The following AFF2 variants were observed in gnomAD, a reference collection of about 807,000 sequenced individuals.
AFF2 encodes AF4/FMR2 family member 2.
In AFF2, 14 loss-of-function variants were observed where a neutral mutation model predicts 76.9. That is an observed-to-expected ratio of 0.18 (90% CI 0.12 to 0.28). AFF2 has a LOEUF of 0.28. AFF2 is among the 10% of genes least tolerant of loss of function. The probability of loss-of-function intolerance (pLI) is 1.00; values close to 1 mark genes in which losing one functional copy is unlikely to be tolerated. For missense variants in AFF2, 868 were observed against 1,001.1 expected, an observed-to-expected ratio of 0.87 and a Z score of 1.79; for synonymous variants, 398 against 366.7, an observed-to-expected ratio of 1.09 and a Z score of -0.98.
In AFF2 at chrX:148,953,814, G is replaced by GACACAC. The variant is rs879970205; in HGVS notation, c.1557+92_1557+97dup. 11 of 619,566 alleles carry GACACAC rather than the reference G, an allele frequency of 1.8e-5. No individual in the cohort carries two copies. In the Admixed American group the frequency reaches 3.1e-4, roughly 18 times the overall value. 51.1% of individuals were successfully genotyped at this position (619,566 alleles called of 1,213,427 possible). A position where few individuals can be genotyped will look rare whatever the true frequency, so the allele number is the denominator to read the frequency against. On this transcript the variant is annotated intron_variant, in intron 10 of 20. Coordinates refer to ENST00000370460, the MANE Select transcript of AFF2 (RefSeq NM_002025.4). ...AGCACCCTCAACACACACACACACAGACACACACACACACACACACACTTT... is the reference window on the plus strand; with the variant it reads ...AGCACCCTCAACACACACACACACAGACACACACACACACACACACACACACACTTT...
chrX:148,966,189 A>T (rs920519917), intron 13 of AFF2, among the ~76,000 whole-genome samples: 3 of 111,963 alleles, frequency 2.7e-5, no homozygotes, highest in African/African-American at 9.7e-5. Context: ...CTTAGCTAGA[A>T]ACCAATCAAG....
chrX:148,654,175 G>T (rs184692544), intron 2 of AFF2, among the ~76,000 whole-genome samples: 1 of 111,916 alleles, frequency 8.9e-6, no homozygotes, highest in Non-Finnish European at 1.9e-5. Flanking sequence ...GATAGGAAGA[G>T]AACTAGGAAA....
chrX:148,807,518 G>A (rs2070151740), intron 3 of AFF2, among the ~76,000 whole-genome samples: 1 of 112,011 alleles, frequency 8.9e-6, no homozygotes, highest in Non-Finnish European at 1.9e-5. Context: ...CCAAGTGGTA[G>A]GGCCAGGACT....
intron 3 of AFF2, among the ~76,000 whole-genome samples, chrX:148,797,835 C>T (rs1212878959): frequency 8.9e-6 from 1 of 111,985 alleles, no homozygotes; most frequent in East Asian, 2.8e-4. Flanking sequence ...GACTTTGGTA[C>T]CCACTGAAAG....
At chrX:148,649,549 C>T (rs1557256074) in intron 1 of AFF2, among the ~76,000 whole-genome samples, 2 of 112,210 alleles carry the variant, frequency 1.8e-5, no homozygotes, top group African/African-American at 6.5e-5. Flanking sequence ...ATGCAGCAGG[C>T]AGTTTTGCTT....
intron 3 of AFF2, among the ~76,000 whole-genome samples, chrX:148,785,720 C>T (rs2069810811): frequency 8.9e-6 from 1 of 112,114 alleles, no homozygotes; most frequent in African/African-American, 3.3e-5. Flanking sequence ...GAATACCCTC[C>T]CTGCTATAAG....
At chrX:148,907,431 G>A (rs1266274779) in intron 9 of AFF2, among the ~76,000 whole-genome samples, 3 of 111,630 alleles carry the variant, frequency 2.7e-5, no homozygotes, top group South Asian at 3.8e-4. Flanking sequence ...GATATTTCAC[G>A]TAGGTTCTTT....
intron 8 of AFF2, among the ~76,000 whole-genome samples, chrX:148,888,144 C>T (rs1468069076): frequency 3.6e-5 from 4 of 111,827 alleles, no homozygotes; most frequent in African/African-American, 1.3e-4. Context: ...TTTTTCATCA[C>T]TCCAAGTGGA....
Position 148,741,021 on chromosome X carries a change from G to A in AFF2, c.1042-68855G>A, listed in dbSNP as rs367797320. ...TGAACTGTCTATGGGTCTCTCACCCGTGGATACCAGCGCCTGTTCTGGTAG... is the reference window on the plus strand; with the variant it reads ...TGAACTGTCTATGGGTCTCTCACCCATGGATACCAGCGCCTGTTCTGGTAG... On this transcript the variant is annotated intron_variant, in intron 3 of 20. Coordinates refer to ENST00000370460, the MANE Select transcript of AFF2 (RefSeq NM_002025.4). Among the ~76,000 whole-genome samples the A allele has an allele frequency of 1.8e-4, 20 of 112,036 alleles. No homozygotes were observed. The South Asian group carries it at 6.4e-3, about 36-fold the overall frequency.
intron 8 of AFF2, among the ~76,000 whole-genome samples, chrX:148,898,718 A>G (rs781887007): frequency 6.9e-4 from 77 of 111,720 alleles, no homozygotes; most frequent in Admixed American, 2.7e-3. Context: ...GTCCTCTGGC[A>G]CATTTTCATG....
At chrX:148,962,386 C>A (rs1210273021) in intron 12 of AFF2, among the ~76,000 whole-genome samples, 6 of 111,843 alleles carry the variant, frequency 5.4e-5, no homozygotes, top group Non-Finnish European at 9.4e-5. Context: ...CCATAAAAAT[C>A]TAATTAACAG....
intron 15 of AFF2, among the ~76,000 whole-genome samples, chrX:148,970,295 A>G (rs1557289369): frequency 8.9e-6 from 1 of 112,332 alleles, no homozygotes; most frequent in East Asian, 2.8e-4. Flanking sequence ...GTCATTTACA[A>G]TAAAAGATTC....
intron 3 of AFF2, among the ~76,000 whole-genome samples, chrX:148,674,622 T>C (rs200733491): frequency 8.9e-6 from 1 of 112,120 alleles, no homozygotes; most frequent in African/African-American, 3.2e-5. Context: ...TAGTGACTTA[T>C]AGGGTGAAGG....
intron 1 of AFF2, among the ~76,000 whole-genome samples, chrX:148,596,765 T>A (rs1603253823): frequency 8.9e-6 from 1 of 112,629 alleles, no homozygotes; most frequent in African/African-American, 3.2e-5. Flanking sequence ...TGTGACTAAA[T>A]AGTTTAATCA....
intron 3 of AFF2, among the ~76,000 whole-genome samples, chrX:148,731,249 C>T (rs1284434325): frequency 8.9e-6 from 1 of 111,809 alleles, no homozygotes; most frequent in Non-Finnish European, 1.9e-5. Flanking sequence ...TGGCAAAGCA[C>T]CAGTCCCAAA....
At chrX:148,597,229 G>A (rs781919938) in intron 1 of AFF2, among the ~76,000 whole-genome samples, 11 of 111,477 alleles carry the variant, frequency 9.9e-5, no homozygotes, top group African/African-American at 3.6e-4. Flanking sequence ...GCTGCTTTGT[G>A]TGTTACCCTA....
intron 1 of AFF2, among the ~76,000 whole-genome samples, chrX:148,585,840 C>CA (rs1194523651): frequency 0.016 from 407 of 25,089 alleles, 2 homozygotes; most frequent in East Asian, 0.042. Context: ...GACTGCGTCT[C>CA]AAAAAAAAAA....
chrX:148,916,226 TTG>T (rs2071528495), intron 9 of AFF2, among the ~76,000 whole-genome samples: 1 of 39,290 alleles, frequency 2.5e-5, no homozygotes, highest in African/African-American at 6.1e-5. Context: ...TTTTTTTTTT[TTG>T]AGACGGAGTC....
chrX:148,837,696 G>C lies in AFF2; in HGVS notation c.1136G>C (p.Gly379Ala). The C allele has an allele frequency of 8.3e-7, 1 of 1,202,177 alleles. No individual in the cohort carries two copies. Among genetic ancestry groups the C allele is most frequent in the Non-Finnish European group, 1.1e-6 (1 of 887,377 alleles). ...CCTCTCACTTCCATGCATACTGCTG[G>C]ACACTCTGAGCAGAGCACCTTTTCC... ...PTPLTSMHTA[G>A]HSEQSTFSIP... The change falls in exon 5 of 21, where the codon GGA becomes GCA. Residue 379 changes from glycine (G) to alanine (A), a missense_variant. Gly to Ala is a moderately conservative substitution (Grantham distance 60). Around this residue, in one of 6 missense-constraint regions of AFF2, gnomAD observed 532 missense variants for 564.2 expected, o/e 0.94. Transcript: ENST00000370460.
Sources: gnomAD v4.1 joint callset for allele counts (sites outside exome capture counted in the v4.1 genomes callset) on GRCh38, gnomAD v4.1.1 for gene constraint, gnomAD v4.1.1 regional missense constraint, MANE v1.5 for transcripts, NCBI Gene and HGNC (gene_info 2026-07-23, HGNC 2026-07-21) for gene names.